BMPR2: variants seen among roughly 807,000 people sequenced by gnomAD.
BMPR2 encodes bone morphogenetic protein receptor type-2.
In BMPR2, 29 loss-of-function variants were observed where a neutral mutation model predicts 100.8. The ratio of observed to expected loss-of-function variants is 0.29; its 90% CI spans 0.21 to 0.39. The LOEUF is 0.39. Among genes scored for constraint, BMPR2 ranks in the 10% least tolerant of loss-of-function variants. The pLI is 1.00. For synonymous variants in BMPR2, 382 were observed against 442.3 expected, an observed-to-expected ratio of 0.86 and a Z score of 1.71; for missense variants, 1,011 against 1,274.5, an observed-to-expected ratio of 0.79 and a Z score of 3.15.
intron 1 of BMPR2, among the ~76,000 whole-genome samples, chr2:202,448,291 T>C (rs1246391791): frequency 1.3e-5 from 2 of 149,632 alleles, no homozygotes; most frequent in Admixed American, 1.3e-4. Context: ...CTTCTACAAA[T>C]ACAAAAAAAA....
intron 1 of BMPR2, among the ~76,000 whole-genome samples, chr2:202,411,524 G>A (rs116166515): frequency 2.0e-3 from 299 of 152,276 alleles, no homozygotes; most frequent in African/African-American, 6.7e-3. Context: ...ATTGGTTGCT[G>A]TGAATGGCCT....
chr2:202,383,850 C>CAA (rs995434945), intron 1 of BMPR2, among the ~76,000 whole-genome samples: 1 of 139,512 alleles, frequency 7.2e-6, no homozygotes, highest in Non-Finnish European at 1.6e-5. Context: ...GACTCCATCT[C>CAA]AAAAAAAAAA....
intron 1 of BMPR2, among the ~76,000 whole-genome samples, chr2:202,393,338 C>T (rs975932601): frequency 3.3e-5 from 5 of 152,180 alleles, no homozygotes; most frequent in African/African-American, 1.2e-4. Context: ...GTCTTTCTAT[C>T]TCCACCCAAA....
At position 202,397,084 on chromosome 2, in the gene BMPR2, A is replaced by C. The variant is rs758181325; in HGVS notation, c.76+19534A>C. On this transcript the variant is annotated intron_variant, in intron 1 of 12. Coordinates refer to ENST00000374580, the MANE Select transcript of BMPR2 (RefSeq NM_001204.7). Reference sequence around the variant, plus strand: ...AGTGCTGGGATTACAGGCATGAGCCACCGTGCCCAGCCTGAGCAAGAAACT... The same window carrying C: ...AGTGCTGGGATTACAGGCATGAGCCCCCGTGCCCAGCCTGAGCAAGAAACT... Among the ~76,000 whole-genome samples the C allele has an allele frequency of 5.8e-4, 88 of 152,320 alleles. 3 individuals carry two copies. Among genetic ancestry groups the C allele is most frequent in the Non-Finnish European group, 3.7e-4 (25 of 68,020 alleles).
At chr2:202,517,772 C>T (rs1211804171) in intron 5 of BMPR2, among the ~76,000 whole-genome samples, 1 of 151,934 alleles carries the variant, frequency 6.6e-6, no homozygotes, top group Non-Finnish European at 1.5e-5. Flanking sequence ...CAAAATATGT[C>T]CTGAGTTTCC....
chr2:202,552,483 C>T (rs757115867), intron 10 of BMPR2, among the ~76,000 whole-genome samples: 65 of 152,282 alleles, frequency 4.3e-4, no homozygotes, highest in Middle Eastern at 3.4e-3. Flanking sequence ...CTTATTGTTG[C>T]TTTTACTTTT....
chr2:202,441,198 C>A (rs1335167134), intron 1 of BMPR2, among the ~76,000 whole-genome samples: 5 of 149,890 alleles, frequency 3.3e-5, no homozygotes, highest in African/African-American at 5.1e-5. Flanking sequence ...CCAGGGTGGT[C>A]TCGAACTCCT....
chr2:202,559,303 C>CA (rs373462571), intron 12 of BMPR2, among the ~76,000 whole-genome samples: 7,870 of 139,714 alleles, frequency 0.056, 673 homozygotes, highest in African/African-American at 0.19. Flanking sequence ...CTCCATCCCC[C>CA]AAAAAAAAAA....
chr2:202,400,073 C>T (rs569249533), intron 1 of BMPR2, among the ~76,000 whole-genome samples: 2 of 152,118 alleles, frequency 1.3e-5, no homozygotes, highest in East Asian at 3.9e-4. Context: ...CAGATGATGC[C>T]ACTGCCCTCC....
intron 10 of BMPR2, among the ~76,000 whole-genome samples, chr2:202,549,224 TTATAA>T (rs1216420750): frequency 3.9e-5 from 6 of 152,024 alleles, no homozygotes; most frequent in Non-Finnish European, 7.4e-5. Flanking sequence ...TCATTATTAG[TTATAA>T]TATTATTATT....
At position 202,559,858 on chromosome 2, in the gene BMPR2, A is replaced by G. The variant is rs1490711578; in HGVS notation, c.3029A>G (p.His1010Arg). 1.9e-6 allele frequency: 3 copies of G among 1,614,218 alleles called. No individual in the cohort carries two copies. The change falls in exon 13 of 13, where the codon CAT becomes CGT. Residue 1010 changes from histidine to arginine, a missense_variant. His to Arg is a conservative substitution (Grantham distance 29). Around this residue, in one of 6 missense-constraint regions of BMPR2, gnomAD observed 58 missense variants for 72.3 expected, o/e 0.80. Transcript: ENST00000374580. Reference protein sequence around the residue: ...VNNNGSNRAVHSKSSTAVYLA... With the variant: ...VNNNGSNRAVRSKSSTAVYLA... ...AATAATGGCAGTAACAGGGCAGTTC[A>G]TTCCAAATCCAGCACTGCTGTTTAC... is the stretch of plus-strand genomic sequence containing the variant.
intron 7 of BMPR2, among the ~76,000 whole-genome samples, chr2:202,523,751 C>T (rs1297740788): frequency 6.6e-6 from 1 of 151,928 alleles, no homozygotes; most frequent in Admixed American, 6.6e-5. Flanking sequence ...TTGCGGTGAG[C>T]CAAGATCGTG....
At chr2:202,394,928 C>T (rs1690629755) in intron 1 of BMPR2, among the ~76,000 whole-genome samples, 1 of 150,854 alleles carries the variant, frequency 6.6e-6, no homozygotes, top group South Asian at 2.1e-4. Flanking sequence ...CTCTGTTTCC[C>T]AGGCTGGAGT....
chr2:202,505,337 G>A (rs1021065848), intron 3 of BMPR2: 2 of 146,380 alleles, frequency 1.4e-5, no homozygotes, highest in African/African-American at 5.1e-5. Context: ...TCTCTTAGGA[G>A]CAGCTTTTTT....
intron 1 of BMPR2, among the ~76,000 whole-genome samples, chr2:202,419,618 G>C (rs1691215816): frequency 6.6e-6 from 1 of 152,030 alleles, no homozygotes; most frequent in South Asian, 2.1e-4. Context: ...GCCTCACAAA[G>C]TGCTGGGATT....
chr2:202,411,728 C>G (rs139710711), intron 1 of BMPR2, among the ~76,000 whole-genome samples: 43 of 152,176 alleles, frequency 2.8e-4, no homozygotes, highest in African/African-American at 1.0e-3. Context: ...CATAGCATCG[C>G]CTCTGTGGTA....
At position 202,459,952 on chromosome 2, in the gene BMPR2, G is replaced by A. The variant is rs187515345; in HGVS notation, c.77-4857G>A. On this transcript the variant is annotated intron_variant, in intron 1 of 12. Transcript: ENST00000374580. Reference sequence around the variant, plus strand: ...CAACCTCGTTAAAAAGTGGGCAAAGGAAATAGATAGTTTTCAAAAGAAGAC... The same window carrying A: ...CAACCTCGTTAAAAAGTGGGCAAAGAAAATAGATAGTTTTCAAAAGAAGAC... Among the ~76,000 whole-genome samples the A allele has an allele frequency of 9.1e-4, 138 of 151,910 alleles. 1 individual carries two copies. The Middle Eastern group carries it at 0.014, about 15-fold the overall frequency.
At chr2:202,392,684 T>G (rs1294446817) in intron 1 of BMPR2, among the ~76,000 whole-genome samples, 1 of 152,104 alleles carries the variant, frequency 6.6e-6, no homozygotes, top group African/African-American at 2.4e-5. Context: ...TTTGAGTTTC[T>G]AGCTTTAAAA....
chr2:202,393,096 G>C (rs929241953), intron 1 of BMPR2, among the ~76,000 whole-genome samples: 2 of 151,736 alleles, frequency 1.3e-5, no homozygotes, highest in Non-Finnish European at 2.9e-5. Flanking sequence ...AATACATTCA[G>C]AACAACTTTG....
Sources: gnomAD v4.1 joint callset for allele counts (sites outside exome capture counted in the v4.1 genomes callset) on GRCh38, gnomAD v4.1.1 for gene constraint, gnomAD v4.1.1 regional missense constraint, MANE v1.5 for transcripts, NCBI Gene and HGNC (gene_info 2026-07-23, HGNC 2026-07-21) for gene names.